TTC28: variants seen among roughly 807,000 people sequenced by gnomAD.
TTC28 encodes tetratricopeptide repeat domain 28, also known as tetratricopeptide repeat protein 28.
TTC28 carries 61 observed loss-of-function variants against 198.0 expected under a neutral mutation model. The ratio of observed to expected loss-of-function variants is 0.31; its 90% CI spans 0.25 to 0.38. The LOEUF is 0.38. Ranked by LOEUF, TTC28 falls within the 10% of genes least tolerant of loss-of-function variation. TTC28 has a pLI of 1.00. For synonymous variants in TTC28, 1,171 were observed against 1,297.8 expected (o/e 0.90, Z 2.10); for missense variants, 2,678 against 3,164.0 (o/e 0.85, Z 3.69).
At chr22:28,088,716 G>A (rs1415819826) in intron 12 of TTC28, among the ~76,000 whole-genome samples, 1 of 152,180 alleles carries the variant, frequency 6.6e-6, no homozygotes, top group African/African-American at 2.4e-5. Context: ...TACCATCAGA[G>A]TGAACAGCCA....
intron 1 of TTC28, among the ~76,000 whole-genome samples, chr22:28,670,977 T>C (rs535913563): frequency 1.3e-5 from 2 of 152,274 alleles, no homozygotes; most frequent in Admixed American, 1.3e-4. Flanking sequence ...TTCATGTTAT[T>C]GGCCATTTGT....
At chr22:28,487,477 T>A (rs1028147738) in intron 2 of TTC28, among the ~76,000 whole-genome samples, 1 of 152,048 alleles carries the variant, frequency 6.6e-6, no homozygotes, top group Non-Finnish European at 1.5e-5. Flanking sequence ...AAAACTGAGA[T>A]GTTAATGCTC....
At chr22:28,088,436 G>T (rs1941697292) in intron 12 of TTC28, among the ~76,000 whole-genome samples, 2 of 152,100 alleles carry the variant, frequency 1.3e-5, no homozygotes, top group Admixed American at 6.6e-5. Context: ...TTAATAAATG[G>T]TGCTGAGAAA....
At chr22:28,677,929 C>T (rs1488532977) in intron 1 of TTC28, among the ~76,000 whole-genome samples, 4 of 150,900 alleles carry the variant, frequency 2.7e-5, no homozygotes, top group Admixed American at 2.6e-4. Context: ...CAGAGTGAGG[C>T]TCCGTCTCAA....
intron 2 of TTC28, among the ~76,000 whole-genome samples, chr22:28,311,213 T>C (rs1475892887): frequency 6.8e-6 from 1 of 148,080 alleles, no homozygotes; most frequent in Admixed American, 6.6e-5. Context: ...ATCACTATCT[T>C]TGTTCAACTA....
intron 5 of TTC28, among the ~76,000 whole-genome samples, chr22:28,169,771 G>C (rs1399790949): frequency 1.3e-5 from 2 of 151,864 alleles, no homozygotes; most frequent in Non-Finnish European, 2.9e-5. Flanking sequence ...GTATACATAT[G>C]TAAGGAACCT....
intron 2 of TTC28, among the ~76,000 whole-genome samples, chr22:28,536,198 CAAAAAAAA>C (rs59506221): frequency 1.6e-5 from 1 of 64,406 alleles, no homozygotes; most frequent in African/African-American, 5.8e-5. Flanking sequence ...GACACCGTCT[CAAAAAAAA>C]AAAAAAAAAA....
intron 2 of TTC28, among the ~76,000 whole-genome samples, chr22:28,585,871 A>G (rs2050307658): frequency 6.6e-6 from 1 of 152,106 alleles, no homozygotes; most frequent in Non-Finnish European, 1.5e-5. Flanking sequence ...AGAAATACCT[A>G]ATGTAGATGA....
chr22:27,998,963 G>C lies in TTC28; in HGVS notation c.4696C>G (p.Pro1566Ala). The C allele has an allele frequency of 6.4e-7, 1 of 1,550,798 alleles. No homozygotes were observed. The highest frequency in any genetic ancestry group is 8.7e-7 in the Non-Finnish European group (1 of 1,146,986). The part of the protein sequence containing the change: ...LVLTPSMDGN[P>A]ASSKSSFGHP... Reference sequence around the variant, plus strand: ...CCGAAGGAGCTCTTGCTGCTGGCAGGGTTGCCGTCCATGCTGGGCGTGAGG... The same window carrying C: ...CCGAAGGAGCTCTTGCTGCTGGCAGCGTTGCCGTCCATGCTGGGCGTGAGG... The change falls in exon 16 of 23, where the codon CCT becomes GCT. Residue 1566 changes from proline to alanine, a missense_variant. By Grantham distance (27) the Pro-to-Ala change is conservative. This residue lies in a region of TTC28 where 727 missense variants were observed against 861.9 expected (regional missense o/e 0.84). Coordinates refer to ENST00000397906, the MANE Select transcript of TTC28 (RefSeq NM_001145418.2).
intron 2 of TTC28, among the ~76,000 whole-genome samples, chr22:28,601,007 A>G (rs983743637): frequency 3.3e-5 from 5 of 152,174 alleles, no homozygotes; most frequent in Non-Finnish European, 5.9e-5. Flanking sequence ...ATTCTTACTC[A>G]GTTTATACCA....
chr22:28,567,725 C>G (rs932327383), intron 2 of TTC28, among the ~76,000 whole-genome samples: 9 of 151,046 alleles, frequency 6.0e-5, no homozygotes, highest in African/African-American at 1.9e-4. Context: ...GAAAGTATAC[C>G]ACCAAAACAA....
At chr22:28,116,125 G>A (rs1601334847) in intron 6 of TTC28, among the ~76,000 whole-genome samples, 2 of 152,236 alleles carry the variant, frequency 1.3e-5, no homozygotes, top group African/African-American at 2.4e-5. Context: ...ACTGGGAGCA[G>A]GGTCAGTTCC....
chr22:28,482,581 TATAAC>T (rs777069663), intron 2 of TTC28, among the ~76,000 whole-genome samples: 98 of 152,282 alleles, frequency 6.4e-4, no homozygotes, highest in African/African-American at 1.9e-3. Context: ...GTAAAACTCA[TATAAC>T]ATAACATCAG....
chr22:28,282,353 C>G (rs991348182), intron 5 of TTC28, among the ~76,000 whole-genome samples: 24 of 152,126 alleles, frequency 1.6e-4, no homozygotes, highest in Non-Finnish European at 2.9e-5. Context: ...CACATTGCTG[C>G]ACTTTTTGTC....
chr22:28,594,627 T>C (rs1342977858), intron 2 of TTC28, among the ~76,000 whole-genome samples: 1 of 150,210 alleles, frequency 6.7e-6, no homozygotes, highest in East Asian at 1.9e-4. Context: ...AGGACAGTAA[T>C]AGTATAATAT....
At chr22:28,622,776 C>T (rs535592787) in intron 2 of TTC28, among the ~76,000 whole-genome samples, 2 of 151,730 alleles carry the variant, frequency 1.3e-5, no homozygotes, top group South Asian at 4.2e-4. Context: ...ATATATAATG[C>T]AAAGAGTAAG....
intron 2 of TTC28, among the ~76,000 whole-genome samples, chr22:28,411,090 T>C (rs1243150779): frequency 6.6e-6 from 1 of 152,196 alleles, no homozygotes; most frequent in African/African-American, 2.4e-5. Flanking sequence ...TAAGTTCTCT[T>C]GCTAAACAGG....
chr22:28,184,268 A>C (rs1923977019), intron 5 of TTC28, among the ~76,000 whole-genome samples: 1 of 152,206 alleles, frequency 6.6e-6, no homozygotes, highest in African/African-American at 2.4e-5. Context: ...TACATTAAGC[A>C]ATTTTAAAGT....
chr22:28,163,500 T>C lies in TTC28; in HGVS notation c.1033A>G (p.Lys345Glu). The change falls in exon 6 of 23, where the codon AAG becomes GAG. Residue 345 changes from lysine (K) to glutamate (E), a missense_variant. By Grantham distance (56) the Lys-to-Glu change is moderately conservative (BLOSUM62 1). Around this residue, in one of 8 missense-constraint regions of TTC28, gnomAD observed 775 missense variants for 845.9 expected, o/e 0.92. Coordinates refer to ENST00000397906, the MANE Select transcript of TTC28 (RefSeq NM_001145418.2). Reference protein sequence around the residue: ...ASHKQCVLLAKQSKDELSEAR... With the variant: ...ASHKQCVLLAEQSKDELSEAR... Reference sequence around the variant, plus strand: ...TCAGAAAGTTCATCTTTGGATTGCTTGGCAAGAAGAACACACTGTTTGTGA... The same window carrying C: ...TCAGAAAGTTCATCTTTGGATTGCTCGGCAAGAAGAACACACTGTTTGTGA... 1 of 1,551,782 alleles carries C rather than the reference T, an allele frequency of 6.4e-7. No individual in the cohort carries two copies. Among genetic ancestry groups the C allele is most frequent in the Non-Finnish European group, 8.7e-7 (1 of 1,146,996 alleles).
Sources: gnomAD v4.1 joint callset for allele counts (sites outside exome capture counted in the v4.1 genomes callset) on GRCh38, gnomAD v4.1.1 for gene constraint, gnomAD v4.1.1 regional missense constraint, MANE v1.5 for transcripts, NCBI Gene and HGNC (gene_info 2026-07-23, HGNC 2026-07-21) for gene names.